Variants in PRICKLE3 observed in about 807,000 individuals in gnomAD.
PRICKLE3 encodes the protein prickle planar cell polarity protein 3.
PRICKLE3 carries 17 observed loss-of-function variants against 33.8 expected under a neutral mutation model. The observed-to-expected ratio is 0.50, with a 90% CI of 0.34 to 0.75. The LOEUF (loss-of-function observed/expected upper bound fraction) is 0.75, where lower values mean the gene tolerates loss of function less well. Among genes scored for constraint, PRICKLE3 ranks in the 30% least tolerant of loss-of-function variants. The probability of loss-of-function intolerance (pLI) is 0.01; values close to 1 mark genes in which losing one functional copy is unlikely to be tolerated. For missense variants in PRICKLE3, 573 were observed against 576.7 expected (o/e 0.99, Z 0.07); for synonymous variants, 211 against 219.6 (o/e 0.96, Z 0.34).
Position 49,175,659 on chromosome X carries a change from A to G in PRICKLE3, c.*14T>C, listed in dbSNP as rs1210723462. ...CTGACTGGAGAATGGAGCCCCCTCC[A>G]GGACGGCCTGCCTTCAAGCCACGAT... On this transcript the variant is annotated 3_prime_UTR_variant, in exon 9 of 9. Coordinates refer to ENST00000599218, the MANE Select transcript of PRICKLE3 (RefSeq NM_006150.5). 9 of 1,195,976 alleles carry G rather than the reference A, an allele frequency of 7.5e-6. No individual in the cohort carries two copies. Among genetic ancestry groups the G allele is most frequent in the Non-Finnish European group, 6.8e-6 (6 of 883,855 alleles).
intron 4 of PRICKLE3, 94 bp downstream of exon 4, chrX:49,179,598 CA>C (rs1569526319): frequency 1.1e-6 from 1 of 889,114 alleles, no homozygotes; most frequent in Non-Finnish European, 1.6e-6. Context: ...CCACTCACCT[CA>C]GATCAGCTCA....
chrX:49,181,858 A>G (rs782129779), intron 3 of PRICKLE3, among the ~76,000 whole-genome samples: 2 of 106,994 alleles, frequency 1.9e-5, no homozygotes, highest in East Asian at 5.9e-4. Flanking sequence ...CATGTTGGTC[A>G]GGCTGGTCTC....
intron 5 of PRICKLE3, 54 bp downstream of exon 5, chrX:49,179,197 C>T: frequency 8.5e-7 from 1 of 1,182,885 alleles, no homozygotes. Flanking sequence ...TGTCCTGCTC[C>T]CCAGGGCTTG....
At chrX:49,183,571 G>A (rs1207739939) in intron 3 of PRICKLE3, 163 bp downstream of exon 3, 26 of 1,081,966 alleles carry the variant, frequency 2.4e-5, no homozygotes, top group Non-Finnish European at 2.9e-5. Context: ...GGTATGGGGG[G>A]CTGACCACTC....
chrX:49,181,616 T>TATATATACAC (rs2065456448), intron 3 of PRICKLE3, among the ~76,000 whole-genome samples: 1 of 12,107 alleles, frequency 8.3e-5, no homozygotes, highest in African/African-American at 9.5e-5. Context: ...TATATATATG[T>TATATATACAC]GTATATATAT....
intron 5 of PRICKLE3, among the ~76,000 whole-genome samples, chrX:49,178,758 A>C (rs1293451462): frequency 8.9e-6 from 1 of 112,243 alleles, no homozygotes; most frequent in African/African-American, 3.2e-5. Context: ...TGGGGAAGAC[A>C]GACAGGCCAG....
chrX:49,176,102 G>T lies in PRICKLE3; in HGVS notation c.1419C>A (p.Arg473=). The change falls in exon 9 of 9, where the codon CGC becomes CGA. Residue 473 remains arginine (R), a synonymous_variant. Coordinates refer to ENST00000599218, the MANE Select transcript of PRICKLE3 (RefSeq NM_006150.5). ...ACACCAGAGGGTCGCGGAAGCTGACGCGTGGGGTGCTCTGACGACCGAAGG... is the reference window on the plus strand; with the variant it reads ...ACACCAGAGGGTCGCGGAAGCTGACTCGTGGGGTGCTCTGACGACCGAAGG... The part of the protein sequence containing the change: ...DSAFGRQSTP[R]VSFRDPLVSE... 1 of 1,207,409 alleles carries T rather than the reference G, an allele frequency of 8.3e-7. No homozygotes were observed. Among genetic ancestry groups the T allele is most frequent in the Non-Finnish European group, 1.1e-6 (1 of 894,250 alleles).
In PRICKLE3 at chrX:49,181,477, G is replaced by A. The variant is rs1557100955; in HGVS notation, c.313-1671C>T. Among the ~76,000 whole-genome samples the A allele has an allele frequency of 7.9e-3, 702 of 88,845 alleles. 9 individuals carry two copies. The highest frequency in any genetic ancestry group is 0.027 in the African/African-American group (645 of 23,707). The allele number at this position is 88,845 out of a possible 115,157, so 77.2% of individuals were successfully genotyped here. A position where few individuals can be genotyped will look rare whatever the true frequency, so the allele number is the denominator to read the frequency against. ...CGTAAAATAATTATTTTATATATATGTATATAGATGTATACATATGTGTAT... is the reference window on the plus strand; with the variant it reads ...CGTAAAATAATTATTTTATATATATATATATAGATGTATACATATGTGTAT... On this transcript the variant is annotated intron_variant, in intron 3 of 8. Coordinates refer to ENST00000599218, the MANE Select transcript of PRICKLE3 (RefSeq NM_006150.5).
intron 4 of PRICKLE3, 98 bp downstream of exon 4, chrX:49,179,595 C>G: frequency 1.1e-6 from 1 of 887,211 alleles, no homozygotes; most frequent in Admixed American, 2.6e-5. Flanking sequence ...GGACCACTCA[C>G]CTCAGATCAG....
At chrX:49,182,942 G>C (rs782453863) in intron 3 of PRICKLE3, among the ~76,000 whole-genome samples, 11 of 108,537 alleles carry the variant, frequency 1.0e-4, no homozygotes, top group Non-Finnish European at 1.1e-4. Flanking sequence ...TCCTGCCTCA[G>C]CCTCCTGAGT....
intron 3 of PRICKLE3, among the ~76,000 whole-genome samples, chrX:49,180,214 T>C (rs2065442195): frequency 9.1e-6 from 1 of 109,408 alleles, no homozygotes; most frequent in Non-Finnish European, 1.9e-5. Flanking sequence ...TTATTTTTAG[T>C]AGAGACAGGG....
intron 1 of PRICKLE3, among the ~76,000 whole-genome samples, chrX:49,185,383 C>T (rs1020822779): frequency 2.7e-5 from 3 of 111,595 alleles, no homozygotes; most frequent in African/African-American, 6.5e-5. Context: ...ATTCCTTCTC[C>T]GGACCATCAA....
rs782748548 is a variant in PRICKLE3, at chrX:49,178,083, G to A, written c.865C>T (p.Arg289Cys). The stretch of plus-strand genomic sequence containing the variant: ...GGGCGGCTCTGACGCATGACATAGC[G>A]CTGCCCTCCTAGTGAAGCTTCACAC... ...FECEASLGGQ[R>C]YVMRQSRPHC... The change falls in exon 7 of 9, where the codon CGC becomes TGC. Residue 289 changes from arginine (R) to cysteine (C), a missense_variant. Arg to Cys is a radical substitution (Grantham distance 180). Coordinates refer to ENST00000599218, the MANE Select transcript of PRICKLE3 (RefSeq NM_006150.5). 1.9e-5 allele frequency: 22 copies of A among 1,179,397 alleles called. No homozygotes were observed. The highest frequency in any genetic ancestry group is 3.0e-5 in the East Asian group (1 of 33,437).
At chrX:49,179,626 C>A in intron 4 of PRICKLE3, 67 bp downstream of exon 4, 1 of 970,801 alleles carries the variant, frequency 1.0e-6, no homozygotes, top group South Asian at 2.0e-5. Context: ...CTCCTCTGAC[C>A]CTGCCCTGCA....
In PRICKLE3 at chrX:49,174,948, C is replaced by T. The variant is rs2065407088; in HGVS notation, c.*725G>A. ...ACCAGTTCTGACTGAACCATGCCCC[C>T]ACCTAAGTCACAAAATGAGGGAAGT... On this transcript the variant is annotated 3_prime_UTR_variant, in exon 9 of 9. Coordinates refer to ENST00000599218, the MANE Select transcript of PRICKLE3 (RefSeq NM_006150.5). 21 of 437,434 alleles carry T rather than the reference C, an allele frequency of 4.8e-5. No individual in the cohort carries two copies. In the South Asian group the frequency reaches 7.3e-4, roughly 15 times the overall value. The allele number at this position is 437,434 out of a possible 1,213,427, so 36.0% of individuals were successfully genotyped here.
At chrX:49,183,238 A>C (rs1452916130) in intron 3 of PRICKLE3, among the ~76,000 whole-genome samples, 2 of 111,586 alleles carry the variant, frequency 1.8e-5, no homozygotes, top group African/African-American at 6.5e-5. Context: ...CAATGAAGTC[A>C]TGTGGTGAAT....
At chrX:49,183,178 G>A (rs190620489) in intron 3 of PRICKLE3, among the ~76,000 whole-genome samples, 183 of 112,238 alleles carry the variant, frequency 1.6e-3, no homozygotes, top group Non-Finnish European at 2.9e-3. Context: ...GCCTAGAACA[G>A]TGTCTCACAT....
Position 49,186,361 on chromosome X carries a change from C to G in PRICKLE3, c.-64G>C. 4.9e-6 allele frequency: 5 copies of G among 1,023,704 alleles called. No individual in the cohort carries two copies. In the South Asian group the frequency reaches 1.2e-4, roughly 24 times the overall value. 84.4% of individuals were successfully genotyped at this position (1,023,704 alleles called of 1,213,427 possible). On this transcript the variant is annotated 5_prime_UTR_variant, in exon 1 of 9. Coordinates refer to ENST00000599218, the MANE Select transcript of PRICKLE3 (RefSeq NM_006150.5). ...GAATGTAATCCTTGCGACCGTCAGG[C>G]CACCGCGCGTCCGGCCTGGGAACTC... is the stretch of plus-strand genomic sequence containing the variant.
intron 2 of PRICKLE3, 26 bp downstream of exon 2, chrX:49,184,599 C>T (rs1472973218): frequency 1.1e-5 from 12 of 1,082,145 alleles, no homozygotes; most frequent in Admixed American, 3.7e-5. Context: ...CTGACAAAGG[C>T]GAGGCCCTTT....
Sources: gnomAD v4.1 joint callset for allele counts (sites outside exome capture counted in the v4.1 genomes callset) on GRCh38, gnomAD v4.1.1 for gene constraint, MANE v1.5 for transcripts, NCBI Gene and HGNC (gene_info 2026-07-23, HGNC 2026-07-21) for gene names.